The following PDE4C variants were observed in gnomAD, a reference collection of about 807,000 sequenced individuals.
PDE4C encodes 3',5'-cyclic-AMP phosphodiesterase 4C.
Under a neutral mutation model 63.9 loss-of-function variants are expected in PDE4C, and 50 were observed. The observed-to-expected ratio is 0.78, with a 90% CI of 0.62 to 0.99. The LOEUF (loss-of-function observed/expected upper bound fraction) is 0.99, where lower values mean the gene tolerates loss of function less well. PDE4C is among the 50% of genes least tolerant of loss of function. The pLI, the probability that PDE4C is intolerant of heterozygous loss-of-function variation, is 0.00. For missense variants in PDE4C, 777 were observed against 899.1 expected, an observed-to-expected ratio of 0.86 and a Z score of 1.74; for synonymous variants, 377 against 385.1, an observed-to-expected ratio of 0.98 and a Z score of 0.25.
At chr19:18,252,826 C>T (rs1027960037), upstream of PDE4C, among the ~76,000 whole-genome samples, 2 of 152,186 alleles carry the variant, frequency 1.3e-5, no homozygotes, top group Non-Finnish European at 2.9e-5. Flanking sequence ...AGATTTGTCT[C>T]GAACTTCTGA....
At chr19:18,238,266 C>T (rs751391850), upstream of PDE4C, among the ~76,000 whole-genome samples, 4 of 150,244 alleles carry the variant, frequency 2.7e-5, no homozygotes, top group East Asian at 1.9e-4. Flanking sequence ...GATGGAGTCT[C>T]GCTCTTTCAA....
In PDE4C at chr19:18,218,442, C is replaced by CAGGT. The variant is rs1281878165; in HGVS notation, c.1022_1025dup (p.Leu343ProfsTer69). On this transcript the variant is annotated frameshift_variant, in exon 10 of 15. Transcript: ENST00000262805. LOFTEE classifies it high-confidence loss of function. Reference sequence around the variant, plus strand: ...CGTGGTAGTGACCTTCCAGCATCAGCAGGTAGGTGGCCAGTGTGTCTGCTG... The same window carrying CAGGT: ...CGTGGTAGTGACCTTCCAGCATCAGCAGGTAGGTAGGTGGCCAGTGTGTCTGCTG... The CAGGT allele has an allele frequency of 6.2e-7, 1 of 1,614,218 alleles. No homozygotes were observed. Among genetic ancestry groups the CAGGT allele is most frequent in the South Asian group, 1.1e-5 (1 of 91,088 alleles).
At chr19:18,226,180 A>G in intron 1 of PDE4C, 90 bp downstream of exon 1, 1 of 1,081,594 alleles carries the variant, frequency 9.2e-7, no homozygotes, top group East Asian at 2.8e-5. Context: ...CCCCGGCCCC[A>G]GCTGTCCCTG....
chr19:18,215,014 T>C (rs1376797644), intron 12 of PDE4C, among the ~76,000 whole-genome samples: 2 of 151,054 alleles, frequency 1.3e-5, no homozygotes, highest in Non-Finnish European at 2.9e-5. Context: ...GTGACTCAGA[T>C]GTGGTTCACC....
chr19:18,222,028 T>A (rs1209921191), intron 2 of PDE4C, 104 bp downstream of exon 2: 1 of 1,037,296 alleles, frequency 9.6e-7, no homozygotes, highest in East Asian at 2.6e-5. Context: ...CTACTTAAAC[T>A]TCAAAACCTT....
chr19:18,212,029 CA>C, intron 13 of PDE4C, 88 bp from the exon 14 acceptor site: 1 of 1,319,670 alleles, frequency 7.6e-7, no homozygotes, highest in Middle Eastern at 1.9e-4. Flanking sequence ...GTGCCATGGA[CA>C]CATTCATCTT....
chr19:18,248,893 C>T (rs1969186202), upstream of PDE4C, among the ~76,000 whole-genome samples: 3 of 151,958 alleles, frequency 2.0e-5, no homozygotes, highest in South Asian at 6.2e-4. Flanking sequence ...AGTGTGGTGG[C>T]AGGTGCCTGT....
intron 11 of PDE4C, 110 bp downstream of exon 11, chr19:18,218,039 G>T: frequency 1.2e-6 from 1 of 803,278 alleles, no homozygotes; most frequent in South Asian, 1.6e-5. Flanking sequence ...TCATTTCATA[G>T]ACAGGGAGAC....
intron 13 of PDE4C, 95 bp from the exon 14 acceptor site, chr19:18,212,036 A>G (rs1600055506): frequency 1.6e-6 from 2 of 1,247,234 alleles, no homozygotes; most frequent in Non-Finnish European, 2.3e-6. Flanking sequence ...GGACACATTC[A>G]TCTTACAGGT....
At position 18,242,811 on chromosome 19, in the gene PDE4C, G is replaced by T. The variant is rs529520796; in HGVS notation, c.-210+5360C>A. On this transcript the variant is annotated intron_variant, in intron 1 of 15. Transcript: ENST00000594617. The stretch of plus-strand genomic sequence containing the variant: ...AAAAAAAAAAAAAAAAAAGGGAATT[G>T]GGAGCCAAGGGCCAGGGTGGAGGGA... Among the ~76,000 whole-genome samples, 488 of 149,938 alleles carry T rather than the reference G, an allele frequency of 3.3e-3. 2 individuals carry two copies. Among genetic ancestry groups the T allele is most frequent in the African/African-American group, 0.011 (452 of 40,798 alleles).
chr19:18,253,563 A>AACACAC, the PDE4C span, among the ~76,000 whole-genome samples: 1 of 141,750 alleles, frequency 7.1e-6, no homozygotes, highest in Non-Finnish European at 1.5e-5. Flanking sequence ...AAAAAAAAAA[A>AACACAC]ACACACACAC....
the PDE4C span, among the ~76,000 whole-genome samples, chr19:18,254,332 C>G: frequency 1.6e-4 from 25 of 152,184 alleles, no homozygotes; most frequent in Admixed American, 1.6e-3. Context: ...AAGCTGTGGA[C>G]TTGAAAAAGG....
At chr19:18,209,062 TTCAA>T (rs1462247424), downstream of PDE4C, 2 of 152,008 alleles carry the variant, frequency 1.3e-5, no homozygotes, top group African/African-American at 4.8e-5. Flanking sequence ...GGTGCATAGG[TTCAA>T]TCAGTCTTCA....
At chr19:18,249,026 ATT>A (rs1969190528), upstream of PDE4C, among the ~76,000 whole-genome samples, 1 of 114,482 alleles carries the variant, frequency 8.7e-6, no homozygotes. Flanking sequence ...ACTCCATCTT[ATT>A]AAAAAAAAAA....
chr19:18,243,897 C>T lies in PDE4C; in HGVS notation c.-210+4274G>A, dbSNP rs182084470. Among the ~76,000 whole-genome samples the T allele has an allele frequency of 3.9e-5, 6 of 152,234 alleles. No homozygotes were observed. In the East Asian group the frequency reaches 1.2e-3, roughly 29 times the overall value. ...TGAGACAAAGTCTCACTCTGTTGCC[C>T]AGGCTGGAGTGCAGTGGTGCCATCT... On this transcript the variant is annotated intron_variant, in intron 1 of 15. Transcript: ENST00000594617.
chr19:18,215,102 C>T (rs1968134290), intron 12 of PDE4C, among the ~76,000 whole-genome samples: 1 of 152,148 alleles, frequency 6.6e-6, no homozygotes, highest in Non-Finnish European at 1.5e-5. Context: ...GTCTCCCCAC[C>T]CTGTGGGTAC....
upstream of PDE4C, among the ~76,000 whole-genome samples, chr19:18,231,280 T>C (rs1000722200): frequency 1.3e-5 from 2 of 152,198 alleles, no homozygotes; most frequent in Non-Finnish European, 2.9e-5. Flanking sequence ...GAACGACGTG[T>C]GTGTGCACAC....
At chr19:18,224,632 G>T (rs574931220) in intron 1 of PDE4C, 290 of 530,444 alleles carry the variant, frequency 5.5e-4, no homozygotes, top group Non-Finnish European at 6.5e-4. Flanking sequence ...ACAAGTCCGG[G>T]TGACGCTCGG....
At chr19:18,221,409 C>A (rs543871175) in intron 2 of PDE4C, 112 bp from the exon 3 acceptor site, 1 of 1,107,290 alleles carries the variant, frequency 9.0e-7, no homozygotes, top group South Asian at 1.5e-5. Flanking sequence ...CCTCCAGGCT[C>A]CTTCTTAGTC....
Sources: gnomAD v4.1 joint callset for allele counts (sites outside exome capture counted in the v4.1 genomes callset) on GRCh38, gnomAD v4.1.1 for gene constraint, MANE v1.5 for transcripts, NCBI Gene and HGNC (gene_info 2026-07-23, HGNC 2026-07-21) for gene names.